Variants in SGPP1 observed in about 807,000 individuals in gnomAD.
SGPP1 encodes the protein sphingosine-1-phosphate phosphatase 1, also known as hSPP1.
In SGPP1, 21 loss-of-function variants were observed where a neutral mutation model predicts 33.0. That is an observed-to-expected ratio of 0.64 (90% CI 0.45 to 0.92). The LOEUF is 0.92. SGPP1 is among the 40% of genes least tolerant of loss of function. The pLI is 0.00. For synonymous variants in SGPP1, 239 were observed against 241.2 expected, an observed-to-expected ratio of 0.99 and a Z score of 0.08; for missense variants, 543 against 589.4, an observed-to-expected ratio of 0.92 and a Z score of 0.81.
intron 2 of SGPP1, among the ~76,000 whole-genome samples, chr14:63,696,615 G>A (rs1885191468): frequency 6.6e-6 from 1 of 152,196 alleles, no homozygotes; most frequent in Non-Finnish European, 1.5e-5. Flanking sequence ...TAGTCAGAAA[G>A]AAGTGTATGT....
At chr14:63,715,158 C>T (rs896552891) in intron 1 of SGPP1, among the ~76,000 whole-genome samples, 3 of 151,550 alleles carry the variant, frequency 2.0e-5, no homozygotes, top group South Asian at 2.1e-4. Flanking sequence ...GGATTACAGG[C>T]GCCTGCCACC....
Position 63,727,427 on chromosome 14 carries a change from AG to A in SGPP1, c.517del (p.Leu173TrpfsTer63). On this transcript the variant is annotated frameshift_variant, in exon 1 of 3. Coordinates refer to ENST00000247225, the MANE Select transcript of SGPP1 (RefSeq NM_030791.4). LOFTEE classifies it high-confidence loss of function. The part of the protein sequence containing the change: ...LVVIWVLVMY[L>X]GQCTKDIIRW... The stretch of plus-strand genomic sequence containing the variant: ...GATGATGTCCTTGGTGCACTGGCCC[AG>A]GTACATGACCAGCACCCAGATGACC... 1 of 1,614,010 alleles carries A rather than the reference AG, an allele frequency of 6.2e-7. No individual in the cohort carries two copies. Among genetic ancestry groups the A allele is most frequent in the Non-Finnish European group, 8.5e-7 (1 of 1,179,988 alleles).
intron 2 of SGPP1, among the ~76,000 whole-genome samples, chr14:63,691,848 T>C (rs1885099274): frequency 6.6e-6 from 1 of 152,098 alleles, no homozygotes; most frequent in Non-Finnish European, 1.5e-5. Flanking sequence ...TTTATACATA[T>C]ATTTTCAGTG....
At chr14:63,689,500 A>G (rs8019280) in intron 2 of SGPP1, among the ~76,000 whole-genome samples, 10,641 of 151,794 alleles carry the variant, frequency 0.07, 747 homozygotes, top group African/African-American at 0.18. Context: ...TTCAAGCAAA[A>G]TATTATCTAG....
intron 2 of SGPP1, among the ~76,000 whole-genome samples, chr14:63,688,458 T>C (rs1885028796): frequency 6.6e-6 from 1 of 152,040 alleles, no homozygotes; most frequent in Non-Finnish European, 1.5e-5. Context: ...TTGTGTAGAC[T>C]TGATAGAAGA....
chr14:63,717,981 T>C (rs1430813259), intron 1 of SGPP1, among the ~76,000 whole-genome samples: 1 of 152,168 alleles, frequency 6.6e-6, no homozygotes, highest in Non-Finnish European at 1.5e-5. Flanking sequence ...CACAGTGGTT[T>C]ACAACTGTAA....
chr14:63,728,049 G>C lies in SGPP1; in HGVS notation c.-105C>G. On this transcript the variant is annotated 5_prime_UTR_variant, in exon 1 of 3. Coordinates refer to ENST00000247225, the MANE Select transcript of SGPP1 (RefSeq NM_030791.4). ...GAACCGGCACAGCGCTCTACCCTCC[G>C]GAGTCTGCCGGGTGACGGCGCCACA... 1 of 1,195,196 alleles carries C rather than the reference G, an allele frequency of 8.4e-7. No homozygotes were observed. Among genetic ancestry groups the C allele is most frequent in the South Asian group, 2.8e-5 (1 of 35,524 alleles). 74.0% of individuals were successfully genotyped at this position (1,195,196 alleles called of 1,614,324 possible).
At position 63,695,066 on chromosome 14, in the gene SGPP1, A is replaced by T. The variant is rs538765174; in HGVS notation, c.774+3503T>A. Among the ~76,000 whole-genome samples, 390 of 150,132 alleles carry T rather than the reference A, an allele frequency of 2.6e-3. 1 individual carries two copies. The highest frequency in any genetic ancestry group is 8.4e-3 in the African/African-American group (345 of 41,074). ...GTTTTTATTTATTTTATTTTATTTT[A>T]TTTTTTTTGAGAGGGAGTCTCGCTC... On this transcript the variant is annotated intron_variant, in intron 2 of 2. Coordinates refer to ENST00000247225, the MANE Select transcript of SGPP1 (RefSeq NM_030791.4).
intron 1 of SGPP1, among the ~76,000 whole-genome samples, chr14:63,707,057 A>C (rs987123404): frequency 9.2e-5 from 14 of 151,576 alleles, no homozygotes; most frequent in Admixed American, 5.3e-4. Flanking sequence ...AAAAAAAAAA[A>C]AAAACTGACC....
chr14:63,705,659 C>T lies in SGPP1; in HGVS notation c.685-7001G>A, dbSNP rs533371592. 2.5e-4 allele frequency among the ~76,000 whole-genome samples: 38 copies of T among 151,874 alleles called. No individual in the cohort carries two copies. In the South Asian group the frequency reaches 7.1e-3, roughly 28 times the overall value. On this transcript the variant is annotated intron_variant, in intron 1 of 2. Coordinates refer to ENST00000247225, the MANE Select transcript of SGPP1 (RefSeq NM_030791.4). ...TTCTAGCCTGGGTGACAAAGTGAAACCCTGTCTCAAAAAATGGGAAATGAA... is the reference window on the plus strand; with the variant it reads ...TTCTAGCCTGGGTGACAAAGTGAAATCCTGTCTCAAAAAATGGGAAATGAA...
intron 1 of SGPP1, among the ~76,000 whole-genome samples, chr14:63,704,385 T>C (rs1021658225): frequency 6.6e-6 from 1 of 152,180 alleles, no homozygotes; most frequent in Non-Finnish European, 1.5e-5. Flanking sequence ...TAACTGATTT[T>C]CAATAAGAAT....
chr14:63,721,439 G>T (rs1885769244), intron 1 of SGPP1, among the ~76,000 whole-genome samples: 1 of 150,410 alleles, frequency 6.6e-6, no homozygotes, highest in South Asian at 2.1e-4. Flanking sequence ...ACAAGACTTC[G>T]TATCCAGAAA....
chr14:63,727,797 C>T lies in SGPP1; in HGVS notation c.148G>A (p.Ala50Thr), dbSNP rs1214369324. 27 of 1,505,782 alleles carry T rather than the reference C, an allele frequency of 1.8e-5. No individual in the cohort carries two copies. The highest frequency in any genetic ancestry group is 2.2e-5 in the Non-Finnish European group (25 of 1,133,860). 93.3% of individuals were successfully genotyped at this position (1,505,782 alleles called of 1,614,324 possible). A position where few individuals can be genotyped will look rare whatever the true frequency, so the allele number is the denominator to read the frequency against. The change falls in exon 1 of 3, where the codon GCC becomes ACC. Residue 50 changes from alanine (A) to threonine (T), a missense_variant. Ala to Thr is a moderately conservative substitution (Grantham distance 58). Coordinates refer to ENST00000247225, the MANE Select transcript of SGPP1 (RefSeq NM_030791.4). ...CGCCCTCGCAGTCGAGGGTCTCCGG[C>T]GAGAGGCGCCTCCGCTTTCTCATCC... ...REDEKAEAPL[A>T]GDPRLRGRQP...
At chr14:63,690,477 A>G (rs1177553772) in intron 2 of SGPP1, among the ~76,000 whole-genome samples, 2 of 152,256 alleles carry the variant, frequency 1.3e-5, no homozygotes, top group African/African-American at 4.8e-5. Context: ...ATAGCTGGAG[A>G]AGAAGATACA....
intron 2 of SGPP1, among the ~76,000 whole-genome samples, chr14:63,697,458 CTTTT>C (rs1157840275): frequency 6.6e-6 from 1 of 152,078 alleles, no homozygotes; most frequent in Non-Finnish European, 1.5e-5. Flanking sequence ...ATTCTTCCAC[CTTTT>C]TTTGTGATCC....
intron 1 of SGPP1, among the ~76,000 whole-genome samples, chr14:63,708,814 G>T (rs984673316): frequency 6.6e-6 from 1 of 152,084 alleles, no homozygotes; most frequent in African/African-American, 2.4e-5. Flanking sequence ...ATGAAACTGC[G>T]GCACAGCAGG....
At chr14:63,725,369 G>A (rs1885858231) in intron 1 of SGPP1, among the ~76,000 whole-genome samples, 1 of 152,220 alleles carries the variant, frequency 6.6e-6, no homozygotes, top group African/African-American at 2.4e-5. Context: ...GCGAGACTCC[G>A]TCAGGAGGCT....
At chr14:63,713,295 A>G (rs1885560112) in intron 1 of SGPP1, among the ~76,000 whole-genome samples, 1 of 152,222 alleles carries the variant, frequency 6.6e-6, no homozygotes, top group African/African-American at 2.4e-5. Flanking sequence ...GCCAAGCAGG[A>G]AACCTCAGAA....
intron 1 of SGPP1, among the ~76,000 whole-genome samples, chr14:63,701,816 T>C (rs1254048100): frequency 6.6e-6 from 1 of 151,640 alleles, no homozygotes; most frequent in Non-Finnish European, 1.5e-5. Flanking sequence ...GTTGGTATAA[T>C]CTAGGTAAGA....
Sources: allele counts gnomAD v4.1 joint callset (sites outside exome capture counted in the v4.1 genomes callset), GRCh38; gene constraint gnomAD v4.1.1; transcripts MANE v1.5; gene names NCBI Gene and HGNC (gene_info 2026-07-23, HGNC 2026-07-21).